Variants in ZFHX3 observed in about 807,000 individuals in gnomAD.
ZFHX3 encodes the protein zinc finger homeobox 3, also known as zinc finger homeobox protein 3.
A neutral mutation model predicts 279.1 loss-of-function variants in ZFHX3; 42 were observed. That is an observed-to-expected ratio of 0.15 (90% confidence interval 0.12 to 0.19). The LOEUF (loss-of-function observed/expected upper bound fraction) is 0.19, where lower values mean the gene tolerates loss of function less well. ZFHX3 is among the 10% of genes least tolerant of loss of function. The pLI is 1.00. For synonymous variants in ZFHX3, 2,293 were observed against 1,957.8 expected (o/e 1.17, Z -4.52); for missense variants, 4,981 against 4,754.0 (o/e 1.05, Z -1.40).
intron 2 of ZFHX3, among the ~76,000 whole-genome samples, chr16:73,665,432 T>C (rs2052827218): frequency 6.6e-6 from 1 of 151,800 alleles, no homozygotes. Context: ...CAGGCTGGCC[T>C]CGAACTCCTG....
intron 4 of ZFHX3, among the ~76,000 whole-genome samples, chr16:72,868,599 C>G (rs1412279345): frequency 3.3e-5 from 5 of 152,240 alleles, no homozygotes; most frequent in South Asian, 2.1e-4. Context: ...GCTTCTCCCC[C>G]TCCACCCGTT....
At chr16:73,303,777 C>G (rs572528272) in intron 4 of ZFHX3, among the ~76,000 whole-genome samples, 2 of 151,912 alleles carry the variant, frequency 1.3e-5, no homozygotes, top group East Asian at 3.9e-4. Flanking sequence ...TGTGGAAAGT[C>G]GACAGCAATT....
chr16:72,888,535 C>T (rs1230157073), intron 4 of ZFHX3, among the ~76,000 whole-genome samples: 1 of 152,204 alleles, frequency 6.6e-6, no homozygotes, highest in Non-Finnish European at 1.5e-5. Context: ...GACCAGGCCA[C>T]AGTGCCCTGT....
At chr16:73,249,530 C>T (rs542433414) in intron 5 of ZFHX3, among the ~76,000 whole-genome samples, 16 of 152,166 alleles carry the variant, frequency 1.1e-4, no homozygotes, top group African/African-American at 3.4e-4. Context: ...GATCTCATGA[C>T]TACCACGAGA....
At chr16:72,938,303 G>T (rs942361595) in intron 3 of ZFHX3, among the ~76,000 whole-genome samples, 7 of 152,268 alleles carry the variant, frequency 4.6e-5, no homozygotes, top group African/African-American at 1.7e-4. Context: ...AACGCAGGGC[G>T]TGTGTAACCA....
At chr16:73,701,887 A>G (rs2053251043) in intron 1 of ZFHX3, among the ~76,000 whole-genome samples, 1 of 152,142 alleles carries the variant, frequency 6.6e-6, no homozygotes, top group African/African-American at 2.4e-5. Flanking sequence ...AAAAAAGCAG[A>G]AGAAATCTTA....
intron 3 of ZFHX3, among the ~76,000 whole-genome samples, chr16:73,371,729 T>C (rs147605102): frequency 2.6e-5 from 4 of 152,350 alleles, no homozygotes; most frequent in African/African-American, 7.2e-5. Context: ...TTCTTCATCC[T>C]CATGCTAAGC....
rs757342324 is a variant in ZFHX3, at chr16:72,795,186, G to A, written c.7496C>T (p.Pro2499Leu). ...PPQCPLPQSS[P>L]SPSQLSHLPL... ...CAGGTGGGAGAGCTGGGAAGGACTG[G>A]GGCTCGACTGGGGTAAGGGGCACTG... Residue 2499 changes from proline (P) to leucine (L), a missense_variant, in exon 9 of 10, where the codon CCC (proline) becomes CTC (leucine). Physicochemically the swap from Pro to Leu is moderately conservative, Grantham distance 98 (BLOSUM62 -3). Coordinates refer to ENST00000268489, the MANE Select transcript of ZFHX3 (RefSeq NM_006885.4). The A allele has an allele frequency of 3.1e-6, 5 of 1,608,030 alleles. No individual in the cohort carries two copies. The highest frequency in any genetic ancestry group is 4.2e-6 in the Non-Finnish European group (5 of 1,176,680).
intron 3 of ZFHX3, among the ~76,000 whole-genome samples, chr16:73,436,061 G>A (rs572816000): frequency 6.6e-6 from 1 of 152,324 alleles, no homozygotes; most frequent in Admixed American, 6.5e-5. Context: ...CCGGCGCGGT[G>A]GCTCACGCCT....
intron 1 of ZFHX3, among the ~76,000 whole-genome samples, chr16:73,726,579 C>T (rs1417927379): frequency 6.6e-6 from 1 of 152,118 alleles, no homozygotes; most frequent in Non-Finnish European, 1.5e-5. Flanking sequence ...AGTGGCTCAC[C>T]ATTCTGAAGG....
At chr16:73,444,518 C>A (rs1156843041) in intron 3 of ZFHX3, among the ~76,000 whole-genome samples, 1 of 152,176 alleles carries the variant, frequency 6.6e-6, no homozygotes, top group Non-Finnish European at 1.5e-5. Context: ...AAATGGGATG[C>A]ATTTGTAAGT....
chr16:73,226,078 G>C (rs967245639), intron 5 of ZFHX3, among the ~76,000 whole-genome samples: 1 of 152,122 alleles, frequency 6.6e-6, no homozygotes, highest in African/African-American at 2.4e-5. Flanking sequence ...ATATAAACTG[G>C]GGACATAGGG....
At chr16:73,660,748 G>A (rs2052774122) in intron 2 of ZFHX3, among the ~76,000 whole-genome samples, 1 of 151,998 alleles carries the variant, frequency 6.6e-6, no homozygotes, top group Non-Finnish European at 1.5e-5. Flanking sequence ...AAATGTGACA[G>A]GTGGGTTAGT....
intron 4 of ZFHX3, among the ~76,000 whole-genome samples, chr16:73,287,428 T>C (rs2014645790): frequency 7.8e-6 from 1 of 127,818 alleles, no homozygotes; most frequent in African/African-American, 3.0e-5. Flanking sequence ...TGTGTGGGTG[T>C]GTGGGCCAGT....
At chr16:73,563,224 T>TGTG in intron 2 of ZFHX3, among the ~76,000 whole-genome samples, 1 of 136,570 alleles carries the variant, frequency 7.3e-6, no homozygotes, top group Non-Finnish European at 1.6e-5. Context: ...GTGTGTGTGT[T>TGTG]TTGTTTTTGT....
rs1597352977 is a variant in ZFHX3 at position 73,482,793 on chromosome 16, T to TAACC, written c.-1546-26536_-1546-26535insGGTT. On this transcript the variant is annotated intron_variant, in intron 2 of 17. Transcript: ENST00000641206. ...TCCTTTGCAATAACCATTAGCTCAG[T>TAACC]ATTATTTGCAAACCTCTAATGTGAA... is the stretch of plus-strand genomic sequence containing the variant. Among the ~76,000 whole-genome samples the TAACC allele has an allele frequency of 3.9e-5, 6 of 152,342 alleles. No homozygotes were observed. The East Asian group carries it at 1.2e-3, about 29-fold the overall frequency.
chr16:73,854,648 A>T (rs556806200), intron 1 of ZFHX3, among the ~76,000 whole-genome samples: 5 of 151,634 alleles, frequency 3.3e-5, no homozygotes, highest in African/African-American at 1.2e-4. Context: ...TCTCTGGTTA[A>T]ATAGAAAAAA....
intron 1 of ZFHX3, among the ~76,000 whole-genome samples, chr16:73,044,485 G>C (rs1567648241): frequency 2.0e-5 from 3 of 152,102 alleles, no homozygotes; most frequent in Non-Finnish European, 2.9e-5. Flanking sequence ...CAGTACGAGT[G>C]AGGGTGAGAT....
intron 4 of ZFHX3, among the ~76,000 whole-genome samples, chr16:73,273,574 T>C (rs1233181651): frequency 6.6e-6 from 1 of 152,210 alleles, no homozygotes; most frequent in Non-Finnish European, 1.5e-5. Context: ...TGAACCACAC[T>C]CTTCTCCACT....
Sources: allele counts gnomAD v4.1 joint callset (sites outside exome capture counted in the v4.1 genomes callset), GRCh38; gene constraint gnomAD v4.1.1; transcripts MANE v1.5; gene names NCBI Gene and HGNC (gene_info 2026-07-23, HGNC 2026-07-21).